Variants in TFDP2 observed in about 807,000 individuals in gnomAD.
TFDP2 encodes transcription factor Dp-2.
TFDP2 carries 17 observed loss-of-function variants against 59.3 expected under a neutral mutation model. The ratio of observed to expected loss-of-function variants is 0.29; its 90% confidence interval spans 0.20 to 0.43. The LOEUF (loss-of-function observed/expected upper bound fraction) is 0.43, where lower values mean the gene tolerates loss of function less well. Ranked by LOEUF, TFDP2 falls within the 20% of genes least tolerant of loss-of-function variation. TFDP2 has a pLI of 1.00. For missense variants in TFDP2, 391 were observed against 528.8 expected, an observed-to-expected ratio of 0.74 and a Z score of 2.56; for synonymous variants, 180 against 194.7, an observed-to-expected ratio of 0.92 and a Z score of 0.63.
chr3:142,055,629 T>C (rs1375795854), intron 3 of TFDP2, among the ~76,000 whole-genome samples: 1 of 152,200 alleles, frequency 6.6e-6, no homozygotes, highest in Non-Finnish European at 1.5e-5. Context: ...TTAAAACCTA[T>C]TATCATTACA....
intron 5 of TFDP2, chr3:141,994,179 G>A (rs1457113334): frequency 3.9e-5 from 6 of 152,202 alleles, no homozygotes; most frequent in Admixed American, 3.9e-4. Context: ...TTGTACATGT[G>A]TGTAGGCATG....
chr3:142,065,858 C>T (rs2060060259), intron 3 of TFDP2, among the ~76,000 whole-genome samples: 1 of 151,554 alleles, frequency 6.6e-6, no homozygotes, highest in South Asian at 2.1e-4. Flanking sequence ...CAAAATAATA[C>T]AAAATAAAAC....
intron 3 of TFDP2, among the ~76,000 whole-genome samples, chr3:142,047,084 AAAAG>A (rs1947377853): frequency 1.3e-5 from 2 of 152,216 alleles, no homozygotes; most frequent in Admixed American, 1.3e-4. Flanking sequence ...AGTATAGTAA[AAAAG>A]AAAGTGGCAT....
intron 3 of TFDP2, among the ~76,000 whole-genome samples, chr3:142,038,383 C>CAAAAAAAAAAA (rs1184364752): frequency 9.7e-5 from 4 of 41,422 alleles, no homozygotes; most frequent in Admixed American, 2.6e-4. Context: ...GACTCCATCT[C>CAAAAAAAAAAA]AAAAAAAAAA....
intron 6 of TFDP2, among the ~76,000 whole-genome samples, chr3:141,990,041 G>A (rs951677895): frequency 1.3e-5 from 2 of 150,370 alleles, no homozygotes; most frequent in African/African-American, 2.4e-5. Flanking sequence ...TTACAGGCAT[G>A]TGCCACCACG....
chr3:142,082,606 G>T (rs1381485608), intron 3 of TFDP2, among the ~76,000 whole-genome samples: 1 of 152,104 alleles, frequency 6.6e-6, no homozygotes, highest in Non-Finnish European at 1.5e-5. Context: ...GATGTACACT[G>T]ATGCAAAAAC....
At chr3:142,025,781 A>C (rs1236010784) in intron 3 of TFDP2, among the ~76,000 whole-genome samples, 1 of 152,222 alleles carries the variant, frequency 6.6e-6, no homozygotes, top group African/African-American at 2.4e-5. Flanking sequence ...TTAGAATCTG[A>C]ATCTTAATTG....
chr3:141,961,243 T>G (rs1159733852), intron 10 of TFDP2, among the ~76,000 whole-genome samples: 2 of 141,806 alleles, frequency 1.4e-5, no homozygotes, highest in African/African-American at 2.6e-5. Flanking sequence ...TGTTGTTTTT[T>G]TTTTTTTTTT....
At chr3:142,007,913 G>C (rs765538484) in intron 3 of TFDP2, among the ~76,000 whole-genome samples, 2 of 152,160 alleles carry the variant, frequency 1.3e-5, no homozygotes, top group Non-Finnish European at 2.9e-5. Context: ...TCACTGGCTT[G>C]CCTGCCTGCC....
At chr3:142,066,123 T>C (rs1184625812) in intron 3 of TFDP2, among the ~76,000 whole-genome samples, 1 of 152,226 alleles carries the variant, frequency 6.6e-6, no homozygotes, top group East Asian at 1.9e-4. Flanking sequence ...AAATGCATTA[T>C]TATGGTCCCT....
chr3:142,041,401 T>C (rs987245143), intron 3 of TFDP2, among the ~76,000 whole-genome samples: 2 of 152,204 alleles, frequency 1.3e-5, no homozygotes, highest in African/African-American at 4.8e-5. Context: ...AATTGAATCA[T>C]GAGGGCGGGT....
chr3:142,094,455 C>T (rs948518096), intron 2 of TFDP2, among the ~76,000 whole-genome samples: 1 of 151,952 alleles, frequency 6.6e-6, no homozygotes, highest in African/African-American at 2.4e-5. Flanking sequence ...CAGGCACCTG[C>T]CACCACGCCC....
At chr3:141,970,928 C>T (rs11569244) in intron 8 of TFDP2, among the ~76,000 whole-genome samples, 11,338 of 151,942 alleles carry the variant, frequency 0.075, 524 homozygotes, top group Non-Finnish European at 0.11. Flanking sequence ...TGTGGTGGCG[C>T]GCATCTGTAG....
intron 3 of TFDP2, among the ~76,000 whole-genome samples, chr3:142,075,734 G>GAAAA (rs530375441): frequency 6.1e-4 from 28 of 45,530 alleles, no homozygotes; most frequent in African/African-American, 2.4e-3. Flanking sequence ...TGTCTCTACA[G>GAAAA]AAAAAAAAAA....
At chr3:141,980,207 G>A (rs1299471830) in intron 6 of TFDP2, among the ~76,000 whole-genome samples, 3 of 145,918 alleles carry the variant, frequency 2.1e-5, no homozygotes, top group South Asian at 2.1e-4. Flanking sequence ...GCCCAGCCAC[G>A]TCTCAGTGTT....
At chr3:142,122,009 A>G (rs542896325) in intron 1 of TFDP2, among the ~76,000 whole-genome samples, 164 of 152,028 alleles carry the variant, frequency 1.1e-3, no homozygotes, top group Non-Finnish European at 2.0e-3. Context: ...GGTTAACGAG[A>G]AAACAGTGGA....
intron 1 of TFDP2, among the ~76,000 whole-genome samples, chr3:142,123,574 T>C (rs1430926534): frequency 3.9e-5 from 6 of 152,208 alleles, no homozygotes; most frequent in Non-Finnish European, 8.8e-5. Flanking sequence ...GGCCCATTTA[T>C]GTAAAGCTAT....
intron 3 of TFDP2, among the ~76,000 whole-genome samples, chr3:142,018,439 T>C (rs1022075078): frequency 6.6e-6 from 1 of 152,072 alleles, no homozygotes; most frequent in African/African-American, 2.4e-5. Context: ...CATTTACATA[T>C]ATCCTCATTA....
intron 4 of TFDP2, among the ~76,000 whole-genome samples, chr3:142,002,923 C>A (rs913233906): frequency 1.3e-5 from 2 of 152,092 alleles, no homozygotes; most frequent in African/African-American, 2.4e-5. Context: ...TCAGAAGGCT[C>A]ACTCTCTGCT....
Sources: gnomAD v4.1 joint callset for allele counts (sites outside exome capture counted in the v4.1 genomes callset) on GRCh38, gnomAD v4.1.1 for gene constraint, MANE v1.5 for transcripts, NCBI Gene and HGNC (gene_info 2026-07-23, HGNC 2026-07-21) for gene names.